The following ZDHHC20 variants were observed in gnomAD, a reference collection of about 807,000 sequenced individuals.
ZDHHC20 encodes the protein zDHHC palmitoyltransferase 20, also known as palmitoyltransferase ZDHHC20.
Under a neutral mutation model 57.8 loss-of-function variants are expected in ZDHHC20, and 43 were observed. The observed-to-expected ratio is 0.74, with a 90% CI of 0.58 to 0.96. The LOEUF is 0.96. Among genes scored for constraint, ZDHHC20 ranks in the 40% least tolerant of loss-of-function variants. ZDHHC20 has a pLI of 0.00. For synonymous variants in ZDHHC20, 157 were observed against 153.0 expected (o/e 1.03, Z -0.19); for missense variants, 391 against 441.1 (o/e 0.89, Z 1.02).
intron 1 of ZDHHC20, among the ~76,000 whole-genome samples, chr13:21,428,803 G>C (rs1881587905): frequency 6.6e-6 from 1 of 151,954 alleles, no homozygotes; most frequent in African/African-American, 2.4e-5. Context: ...GTTGCAGTGA[G>C]GCAAGATCAC....
chr13:21,454,552 C>T (rs192535692), intron 1 of ZDHHC20, among the ~76,000 whole-genome samples: 1 of 152,154 alleles, frequency 6.6e-6, no homozygotes, highest in Admixed American at 6.5e-5. Context: ...AAATCAATGA[C>T]CTTGGTTTCC....
chr13:21,377,209 CT>C (rs1872268528), intron 12 of ZDHHC20: 1 of 178,574 alleles, frequency 5.6e-6, no homozygotes, highest in Non-Finnish European at 1.2e-5. Flanking sequence ...CCGACGTGAC[CT>C]CCACCCCTAG....
rs1871632750 is a variant in ZDHHC20, at chr13:21,374,143, A to G, written c.*2553T>C. On this transcript the variant is annotated 3_prime_UTR_variant, in exon 13 of 13. Coordinates refer to ENST00000400590, the MANE Select transcript of ZDHHC20 (RefSeq NM_001330059.2). Reference sequence around the variant, plus strand: ...AAAAAGTACCAGGAGAACATTTCTGAAAGTAGTCAAGTATGTTTTAACATT... The same window carrying G: ...AAAAAGTACCAGGAGAACATTTCTGGAAGTAGTCAAGTATGTTTTAACATT... 3 of 163,544 alleles carry G rather than the reference A, an allele frequency of 1.8e-5. No homozygotes were observed. The highest frequency in any genetic ancestry group is 1.2e-4 in the Admixed American group (2 of 16,434). The allele number at this position is 163,544 out of a possible 1,614,324, so 10.1% of individuals were successfully genotyped here.
At chr13:21,411,191 C>T (rs1452331378) in intron 4 of ZDHHC20, among the ~76,000 whole-genome samples, 4 of 152,322 alleles carry the variant, frequency 2.6e-5, no homozygotes, top group Admixed American at 1.3e-4. Flanking sequence ...TGGGCTCCAC[C>T]CACTGTCTAA....
intron 1 of ZDHHC20, among the ~76,000 whole-genome samples, chr13:21,426,554 CTG>C (rs1881269431): frequency 1.3e-5 from 2 of 151,894 alleles, no homozygotes; most frequent in Non-Finnish European, 2.9e-5. Flanking sequence ...TACAAGCCCT[CTG>C]TAATCTACAA....
intron 6 of ZDHHC20, 75 bp from the exon 7 acceptor site, chr13:21,400,568 G>A: frequency 7.0e-7 from 1 of 1,431,702 alleles, no homozygotes; most frequent in Non-Finnish European, 9.4e-7. Context: ...GTAGGATGGA[G>A]GCTGCCAGGG....
chr13:21,400,576 G>A lies in ZDHHC20; in HGVS notation c.474-83C>T, dbSNP rs556355605. The A allele has an allele frequency of 1.1e-5, 16 of 1,424,880 alleles. No individual in the cohort carries two copies. The South Asian group carries it at 1.8e-4, about 16-fold the overall frequency. 88.3% of individuals were successfully genotyped at this position (1,424,880 alleles called of 1,614,324 possible). ...ATAGAAAGTAGGATGGAGGCTGCCA[G>A]GGGCTGGTGTGGTGTGGGGAAGGGG... On this transcript the variant is annotated intron_variant, in intron 6 of 12. Coordinates refer to ENST00000400590, the MANE Select transcript of ZDHHC20 (RefSeq NM_001330059.2).
intron 1 of ZDHHC20, among the ~76,000 whole-genome samples, chr13:21,457,577 G>T (rs1246789131): frequency 2.6e-5 from 4 of 152,172 alleles, no homozygotes; most frequent in Non-Finnish European, 5.9e-5. Context: ...ATTTGGAAAT[G>T]TATTCCACAA....
chr13:21,416,588 C>A (rs1419375510), intron 3 of ZDHHC20, among the ~76,000 whole-genome samples: 1 of 152,126 alleles, frequency 6.6e-6, no homozygotes, highest in Non-Finnish European at 1.5e-5. Flanking sequence ...AAATACGAAT[C>A]AGCATAAAGT....
At chr13:21,407,990 G>T (rs1425481623) in intron 4 of ZDHHC20, among the ~76,000 whole-genome samples, 1 of 152,058 alleles carries the variant, frequency 6.6e-6, no homozygotes, top group African/African-American at 2.4e-5. Context: ...ATCGGTTTTG[G>T]CACCAATACC....
At chr13:21,384,784 C>A (rs1874151539) in intron 9 of ZDHHC20, among the ~76,000 whole-genome samples, 1 of 152,128 alleles carries the variant, frequency 6.6e-6, no homozygotes, top group Non-Finnish European at 1.5e-5. Context: ...ACGTAATACT[C>A]TGGACTCAAC....
chr13:21,372,620 GAAA>G lies in ZDHHC20; in HGVS notation c.*4073_*4075del, dbSNP rs941887055. ...AATAAAGTAATTCATTATGACTTTT[GAAA>G]AAAAAAGTTTTAAAATGTTCTGTGT... On this transcript the variant is annotated 3_prime_UTR_variant, in exon 13 of 13. Transcript: ENST00000400590. 6.6e-6 allele frequency: 1 copy of G among 150,880 alleles called. No homozygotes were observed. Among genetic ancestry groups the G allele is most frequent in the African/African-American group, 2.4e-5 (1 of 41,030 alleles). 9.3% of individuals were successfully genotyped at this position (150,880 alleles called of 1,614,324 possible). A position where few individuals can be genotyped will look rare whatever the true frequency, so the allele number is the denominator to read the frequency against.
chr13:21,428,507 C>T (rs573593112), intron 1 of ZDHHC20, among the ~76,000 whole-genome samples: 2 of 151,976 alleles, frequency 1.3e-5, no homozygotes, highest in Non-Finnish European at 2.9e-5. Context: ...GCGTGAGCCA[C>T]CGCACCCAGG....
At position 21,413,167 on chromosome 13, in the gene ZDHHC20, C is replaced by T. The variant is rs540884174; in HGVS notation, c.370+485G>A. On this transcript the variant is annotated intron_variant, in intron 4 of 12. Transcript: ENST00000400590. ...GGAAGCATTAGTACAGAGGAAACAC[C>T]AAGGGCTTTGGAACTAGACAAACCT... 2.0e-5 allele frequency among the ~76,000 whole-genome samples: 3 copies of T among 152,152 alleles called. No individual in the cohort carries two copies. In the South Asian group the frequency reaches 6.2e-4, roughly 32 times the overall value.
chr13:21,436,440 TTG>T (rs889980806), intron 1 of ZDHHC20, among the ~76,000 whole-genome samples: 4 of 152,236 alleles, frequency 2.6e-5, no homozygotes, highest in Admixed American at 2.6e-4. Flanking sequence ...TGTGCTCACT[TTG>T]TGTCTCCGTG....
intron 2 of ZDHHC20, among the ~76,000 whole-genome samples, chr13:21,424,294 A>C (rs1881001945): frequency 6.6e-6 from 1 of 152,218 alleles, no homozygotes; most frequent in Non-Finnish European, 1.5e-5. Flanking sequence ...AACTGAGAAA[A>C]TTAAATCAAA....
In ZDHHC20 at chr13:21,402,727, C is replaced by G. The variant is rs1454531245; in HGVS notation, c.440+70G>C. 5.3e-5 allele frequency: 68 copies of G among 1,291,748 alleles called. No individual in the cohort carries two copies. The East Asian group carries it at 1.7e-3, about 31-fold the overall frequency. The allele number at this position is 1,291,748 out of a possible 1,614,324, so 80.0% of individuals were successfully genotyped here. On this transcript the variant is annotated intron_variant, in intron 5 of 12. Transcript: ENST00000400590. ...CAAGTGTAAAGCATATAAAATGTTCCTTCCCCTTGCACTTTCCCATCACTG... is the reference window on the plus strand; with the variant it reads ...CAAGTGTAAAGCATATAAAATGTTCGTTCCCCTTGCACTTTCCCATCACTG...
chr13:21,410,062 G>T (rs963167515), intron 4 of ZDHHC20, among the ~76,000 whole-genome samples: 5 of 152,086 alleles, frequency 3.3e-5, no homozygotes, highest in South Asian at 2.1e-4. Context: ...TTCAGATGGG[G>T]TTTTTTTGTG....
chr13:21,380,189 C>T (rs1220527057), intron 11 of ZDHHC20, among the ~76,000 whole-genome samples: 1 of 149,230 alleles, frequency 6.7e-6, no homozygotes, highest in Admixed American at 6.7e-5. Flanking sequence ...GATCTCGGCT[C>T]ACTGCAACCT....
Sources: allele counts gnomAD v4.1 joint callset (sites outside exome capture counted in the v4.1 genomes callset), GRCh38; gene constraint gnomAD v4.1.1; transcripts MANE v1.5; gene names NCBI Gene and HGNC (gene_info 2026-07-23, HGNC 2026-07-21).